VARS1: variants seen among roughly 807,000 people sequenced by gnomAD.
VARS1 encodes the protein valyl-tRNA synthetase 1.
Under a neutral mutation model 161.0 loss-of-function variants are expected in VARS1, and 92 were observed. The ratio of observed to expected loss-of-function variants is 0.57; its 90% CI spans 0.48 to 0.68. The LOEUF (loss-of-function observed/expected upper bound fraction) is 0.68, where lower values mean the gene tolerates loss of function less well. Among genes scored for constraint, VARS1 ranks in the 30% least tolerant of loss-of-function variants. The probability of loss-of-function intolerance (pLI) is 0.00; values close to 1 mark genes in which losing one functional copy is unlikely to be tolerated. For missense variants in VARS1, 1,338 were observed against 1,695.9 expected, an observed-to-expected ratio of 0.79 and a Z score of 3.71; for synonymous variants, 595 against 682.5, an observed-to-expected ratio of 0.87 and a Z score of 2.00.
chr6:31,787,856 C>T (rs1229654176), intron 8 of VARS1, among the ~76,000 whole-genome samples: 3 of 152,020 alleles, frequency 2.0e-5, no homozygotes, highest in Admixed American at 2.0e-4. Context: ...TGGTGGCTCA[C>T]GCCTATAATC....
Position 31,782,292 on chromosome 6 carries a change from T to G in VARS1, c.2143A>C (p.Asn715His), listed in dbSNP as rs765338623. Residue 715 changes from asparagine to histidine, a missense_variant, in exon 17 of 30, where the codon AAC (asparagine) becomes CAC (histidine). By Grantham distance (68) the Asn-to-His change is moderately conservative. Around this residue, in one of 3 missense-constraint regions of VARS1, gnomAD observed 902 missense variants for 1,090.3 expected, o/e 0.83. Coordinates refer to ENST00000375663, the MANE Select transcript of VARS1 (RefSeq NM_006295.3). This position sits in a 1 kb window ranked among gnomAD's most constrained non-coding sequence, Gnocchi z 8.3. The part of the protein sequence containing the change: ...HQRTWHAWMD[N>H]IREWCISRQL... The stretch of plus-strand genomic sequence containing the variant: ...ACTGAGGACCCTACACACCGGATGT[T>G]GTCCATCCAGGCATGCCATGTGCGC... The G allele has an allele frequency of 6.2e-7, 1 of 1,612,682 alleles. No individual in the cohort carries two copies. Among genetic ancestry groups the G allele is most frequent in the Non-Finnish European group, 8.5e-7 (1 of 1,179,640 alleles).
rs774757337 is a variant in VARS1 at position 31,795,057 on chromosome 6, G to A, written c.161C>T (p.Pro54Leu). ...CTGCTCCAGGGCCGGCAGGCGGGGT[G>A]GGGGAAAGGGAGTCCTGCTAGTCGG... ...PPPTSRTPFP[P>L]PRLPALEQGP... The change falls in exon 2 of 30, where the codon CCA becomes CTA. Residue 54 changes from proline to leucine, a missense_variant. Physicochemically the swap from Pro to Leu is moderately conservative, Grantham distance 98. This residue lies in a region of VARS1 where 902 missense variants were observed against 1,090.3 expected (regional missense o/e 0.83). Coordinates refer to ENST00000375663, the MANE Select transcript of VARS1 (RefSeq NM_006295.3). This position sits in a 1 kb window ranked among gnomAD's most constrained non-coding sequence, Gnocchi z 6.9. 1.2e-5 allele frequency: 18 copies of A among 1,537,280 alleles called. No homozygotes were observed. The highest frequency in any genetic ancestry group is 2.3e-5 in the South Asian group (2 of 85,194).
chr6:31,780,940 T>C lies in VARS1; in HGVS notation c.2650-2A>G, dbSNP rs1813102247. 1.2e-6 allele frequency: 2 copies of C among 1,614,086 alleles called. No homozygotes were observed. The highest frequency in any genetic ancestry group is 1.7e-6 in the Non-Finnish European group (2 of 1,180,016). On this transcript the variant is annotated splice_acceptor_variant, in intron 22 of 29. Transcript: ENST00000375663. LOFTEE classifies it high-confidence loss of function. This position sits in a 1 kb window ranked among gnomAD's most constrained non-coding sequence, Gnocchi z 5.1. ...GTTCAGCAGCTGGTTGTGGAGGCCC[T>C]GAGGGTGGAGTGGGAGCAGTCAGGT...
In VARS1 at chr6:31,780,069, C is replaced by T; in HGVS notation, c.3010G>A (p.Ala1004Thr). ...AVRLSNQGFQ[A>T]YDFPAVTTAQ... is the part of the protein sequence containing the mutation. ...GTGGTGACGGCCGGGAAGTCGTAGG[C>T]CTGGAAGCCTTGATTGCTGAGCCTC... Residue 1004 changes from alanine (A) to threonine (T), a missense_variant, in exon 26 of 30, where the codon GCC becomes ACC. Physicochemically the swap from Ala to Thr is moderately conservative, Grantham distance 58. Transcript: ENST00000375663. The surrounding 1 kb of genome is among the most constrained non-coding windows in gnomAD (Gnocchi z 5.1). The T allele has an allele frequency of 6.2e-7, 1 of 1,614,120 alleles. No individual in the cohort carries two copies. Among genetic ancestry groups the T allele is most frequent in the Non-Finnish European group, 8.5e-7 (1 of 1,180,042 alleles).
Position 31,785,747 on chromosome 6 carries a change from T to C in VARS1, c.1101-14A>G, listed in dbSNP as rs753873577. On this transcript the variant is annotated splice_polypyrimidine_tract_variant and intron_variant, in intron 8 of 29. Transcript: ENST00000375663. This position sits in a 1 kb window ranked among gnomAD's most constrained non-coding sequence, Gnocchi z 6.1. ...CGCATGCGGTGCCTGTTAGGGGGCA[T>C]GGAGGACCAGAGGGTGAGCCAGGCC... 1.9e-6 allele frequency: 3 copies of C among 1,603,514 alleles called. No homozygotes were observed. Among genetic ancestry groups the C allele is most frequent in the Non-Finnish European group, 2.5e-6 (3 of 1,176,482 alleles).
At chr6:31,789,840 G>A (rs1813749868) in intron 8 of VARS1, among the ~76,000 whole-genome samples, 1 of 151,894 alleles carries the variant, frequency 6.6e-6, no homozygotes, top group Non-Finnish European at 1.5e-5. Context: ...CTAACATGGT[G>A]AAACCCCGTC....
In VARS1 at chr6:31,778,887, C is replaced by T; in HGVS notation, c.3726+80G>A. 6.4e-7 allele frequency: 1 copy of T among 1,564,404 alleles called. No individual in the cohort carries two copies. The highest frequency in any genetic ancestry group is 8.8e-7 in the Non-Finnish European group (1 of 1,142,784). On this transcript the variant is annotated intron_variant, in intron 29 of 29. Coordinates refer to ENST00000375663, the MANE Select transcript of VARS1 (RefSeq NM_006295.3). This position sits in a 1 kb window ranked among gnomAD's most constrained non-coding sequence, Gnocchi z 5.1. Reference sequence around the variant, plus strand: ...GTTACGATCAATTAGTTGTCAACACCACTGCACTCGGACCAGCCCAGACCA... The same window carrying T: ...GTTACGATCAATTAGTTGTCAACACTACTGCACTCGGACCAGCCCAGACCA...
rs759827809 is a variant in VARS1, at chr6:31,782,291, T to C, written c.2144A>G (p.Asn715Ser). ...CACTGAGGACCCTACACACCGGATG[T>C]TGTCCATCCAGGCATGCCATGTGCG... ...HQRTWHAWMD[N>S]IREWCISRQL... The change falls in exon 17 of 30, where the codon AAC (asparagine) becomes AGC (serine). Residue 715 changes from asparagine to serine, a missense_variant. By Grantham distance (46) the Asn-to-Ser change is conservative (BLOSUM62 1). This residue lies in a region of VARS1 where 902 missense variants were observed against 1,090.3 expected (regional missense o/e 0.83). Coordinates refer to ENST00000375663, the MANE Select transcript of VARS1 (RefSeq NM_006295.3). The surrounding 1 kb of genome is among the most constrained non-coding windows in gnomAD (Gnocchi z 8.3). The C allele has an allele frequency of 1.2e-4, 192 of 1,612,566 alleles. 3 individuals are homozygous for C. The Admixed American group carries it at 3.2e-3, about 26-fold the overall frequency.
rs1562318308 is a variant in VARS1, at chr6:31,795,260, AAG to A, written c.-33-12_-33-11del. On this transcript the variant is annotated splice_polypyrimidine_tract_variant and intron_variant, in intron 1 of 29. Transcript: ENST00000375663. The surrounding 1 kb of genome is among the most constrained non-coding windows in gnomAD (Gnocchi z 6.9). The stretch of plus-strand genomic sequence containing the variant: ...AACGAAGTGGAAAAACCTAAGGAGA[AAG>A]AGAGACAGGGGAAGACTGCGGGATC... The A allele has an allele frequency of 4.3e-6, 6 of 1,380,398 alleles. No individual in the cohort carries two copies. The highest frequency in any genetic ancestry group is 4.1e-5 in the South Asian group (2 of 48,600). 85.5% of individuals were successfully genotyped at this position (1,380,398 alleles called of 1,614,324 possible). A position where few individuals can be genotyped will look rare whatever the true frequency, so the allele number is the denominator to read the frequency against.
Position 31,777,747 on chromosome 6 carries a change from GAGC to G in VARS1, c.3727-88_3727-86del. On this transcript the variant is annotated intron_variant, in intron 29 of 29. Coordinates refer to ENST00000375663, the MANE Select transcript of VARS1 (RefSeq NM_006295.3). This position sits in a 1 kb window ranked among gnomAD's most constrained non-coding sequence, Gnocchi z 5.8. ...CCCAGGACAACAAAGTTGGAAAGAT[GAGC>G]GAGGACCATGGGAGGTCAGTAGCTC... 6.6e-7 allele frequency: 1 copy of G among 1,504,106 alleles called. No individual in the cohort carries two copies. The allele number at this position is 1,504,106 out of a possible 1,614,324, so 93.2% of individuals were successfully genotyped here.
Position 31,780,492 on chromosome 6 carries a change from C to T in VARS1, c.2874G>A (p.Lys958=). Reference sequence around the variant, plus strand: ...CCTTCCCAAGGCCACGAAGGGCAAACTTGGTGGCATTCCAGAGCTTGTTGC... The same window carrying T: ...CCTTCCCAAGGCCACGAAGGGCAAATTTGGTGGCATTCCAGAGCTTGTTGC... The part of the protein sequence containing the change: ...HFCNKLWNAT[K]FALRGLGKGF... The change falls in exon 25 of 30, where the codon AAG becomes AAA. Residue 958 remains lysine (K), a synonymous_variant. Transcript: ENST00000375663. This position sits in a 1 kb window ranked among gnomAD's most constrained non-coding sequence, Gnocchi z 5.1. The T allele has an allele frequency of 2.5e-6, 4 of 1,614,080 alleles. No homozygotes were observed. The highest frequency in any genetic ancestry group is 3.4e-6 in the Non-Finnish European group (4 of 1,180,016).
Position 31,780,618 on chromosome 6 carries a change from G to A in VARS1, c.2798-50C>T. 6.2e-7 allele frequency: 1 copy of A among 1,611,188 alleles called. No homozygotes were observed. Among genetic ancestry groups the A allele is most frequent in the Non-Finnish European group, 8.5e-7 (1 of 1,177,794 alleles). On this transcript the variant is annotated intron_variant, in intron 24 of 29. Coordinates refer to ENST00000375663, the MANE Select transcript of VARS1 (RefSeq NM_006295.3). This position sits in a 1 kb window ranked among gnomAD's most constrained non-coding sequence, Gnocchi z 5.1. ...CCTCATCACCCTCTTCCCAGCCCATGCCCACCAGAGGCTCAGGGTGGAGAA... is the reference window on the plus strand; with the variant it reads ...CCTCATCACCCTCTTCCCAGCCCATACCCACCAGAGGCTCAGGGTGGAGAA...
chr6:31,779,060 G>T lies in VARS1; in HGVS notation c.3633C>A (p.Ala1211=). The change falls in exon 29 of 30, where the codon GCC becomes GCA. Residue 1211 remains alanine (A), a synonymous_variant. Coordinates refer to ENST00000375663, the MANE Select transcript of VARS1 (RefSeq NM_006295.3). The surrounding 1 kb of genome is among the most constrained non-coding windows in gnomAD (Gnocchi z 9.1). ...CCCGCAGACGCTGGGCCTGCCGCTG[G>T]GCCTCAACTCGCTTGGCTTGCAGCT... ...LGKLQAKRVE[A]QRQAQRLRER... The T allele has an allele frequency of 6.2e-7, 1 of 1,612,748 alleles. No individual in the cohort carries two copies. The highest frequency in any genetic ancestry group is 1.1e-5 in the South Asian group (1 of 91,060).
At position 31,792,985 on chromosome 6, in the gene VARS1, C is replaced by T. The variant is rs768246577; in HGVS notation, c.522+1G>A. Reference sequence around the variant, plus strand: ...GTTCTTCCCCAGGCCTGGTGACTCACGTATCGGAAAGGCAGCAGCAAGGCT... The same window carrying T: ...GTTCTTCCCCAGGCCTGGTGACTCATGTATCGGAAAGGCAGCAGCAAGGCT... On this transcript the variant is annotated splice_donor_variant, in intron 3 of 29. Coordinates refer to ENST00000375663, the MANE Select transcript of VARS1 (RefSeq NM_006295.3). LOFTEE classifies it high-confidence loss of function. The T allele has an allele frequency of 3.7e-6, 6 of 1,613,670 alleles. No homozygotes were observed. Among genetic ancestry groups the T allele is most frequent in the African/African-American group, 1.3e-5 (1 of 74,926 alleles).
rs1371633995 is a variant in VARS1 at position 31,779,028 on chromosome 6, C to T, written c.3665G>A (p.Arg1222His). The change falls in exon 29 of 30, where the codon CGT becomes CAT. Residue 1222 changes from arginine (R) to histidine (H), a missense_variant. Around this residue, in one of 3 missense-constraint regions of VARS1, gnomAD observed 433 missense variants for 586.2 expected, o/e 0.74. Coordinates refer to ENST00000375663, the MANE Select transcript of VARS1 (RefSeq NM_006295.3). The surrounding 1 kb of genome is among the most constrained non-coding windows in gnomAD (Gnocchi z 9.1). ...CTTGACAGGATAGCCCGAGGCAGCA[C>T]GGCGTTCCCGCAGACGCTGGGCCTG... Reference protein sequence around the residue: ...QRQAQRLRERRAASGYPVKVP... With the variant: ...QRQAQRLRERHAASGYPVKVP... The T allele has an allele frequency of 1.5e-5, 24 of 1,612,896 alleles. No homozygotes were observed. The highest frequency in any genetic ancestry group is 1.8e-5 in the Non-Finnish European group (21 of 1,180,046).
At chr6:31,790,035 A>G (rs1374899913) in intron 8 of VARS1, among the ~76,000 whole-genome samples, 1 of 151,638 alleles carries the variant, frequency 6.6e-6, no homozygotes, top group Non-Finnish European at 1.5e-5. Context: ...GTCTCAAAAA[A>G]TAAATAAATA....
In VARS1 at chr6:31,781,448, G is replaced by A. The variant is rs900457455; in HGVS notation, c.2544+33C>T. On this transcript the variant is annotated intron_variant, in intron 21 of 29. Coordinates refer to ENST00000375663, the MANE Select transcript of VARS1 (RefSeq NM_006295.3). The surrounding 1 kb of genome is among the most constrained non-coding windows in gnomAD (Gnocchi z 6.8). Reference sequence around the variant, plus strand: ...CACAGGACGGTAGGAGAGGAGGCTGGGGGCGATGGGAGGGTCTCGGCTGTC... The same window carrying A: ...CACAGGACGGTAGGAGAGGAGGCTGAGGGCGATGGGAGGGTCTCGGCTGTC... The A allele has an allele frequency of 6.2e-7, 1 of 1,606,816 alleles. No homozygotes were observed. The highest frequency in any genetic ancestry group is 8.5e-7 in the Non-Finnish European group (1 of 1,178,306).
Position 31,780,056 on chromosome 6 carries a change from G to A in VARS1, c.3023C>T (p.Pro1008Leu), listed in dbSNP as rs1076827. 3.9e-3 allele frequency: 6,326 copies of A among 1,614,134 alleles called. 143 individuals carry two copies. The African/African-American group carries it at 0.057, about 14-fold the overall frequency. ...SNQGFQAYDF[P>L]AVTTAQYSFW... The stretch of plus-strand genomic sequence containing the variant: ...GCTGTACTGGGCAGTGGTGACGGCC[G>A]GGAAGTCGTAGGCCTGGAAGCCTTG... Residue 1008 changes from proline (P) to leucine (L), a missense_variant, in exon 26 of 30, where the codon CCG becomes CTG. Physicochemically the swap from Pro to Leu is moderately conservative, Grantham distance 98 (BLOSUM62 -3). Around this residue, in one of 3 missense-constraint regions of VARS1, gnomAD observed 433 missense variants for 586.2 expected, o/e 0.74. Coordinates refer to ENST00000375663, the MANE Select transcript of VARS1 (RefSeq NM_006295.3). The surrounding 1 kb of genome is among the most constrained non-coding windows in gnomAD (Gnocchi z 5.1).
rs1358756178 is a variant in VARS1, at chr6:31,782,688, T to C, written c.1887+33A>G. ...ATGCCCAGCCATCCCTCCATCTCCC[T>C]GACCCGGGCACTCTTGCCTCAGGCA... is the stretch of plus-strand genomic sequence containing the variant. On this transcript the variant is annotated intron_variant, in intron 15 of 29. Transcript: ENST00000375663. This position sits in a 1 kb window ranked among gnomAD's most constrained non-coding sequence, Gnocchi z 8.3. 6.2e-7 allele frequency: 1 copy of C among 1,613,038 alleles called. No homozygotes were observed. The highest frequency in any genetic ancestry group is 1.7e-5 in the Admixed American group (1 of 60,028).
Sources: gnomAD v4.1 joint callset for allele counts (sites outside exome capture counted in the v4.1 genomes callset) on GRCh38, gnomAD v4.1.1 for gene constraint, gnomAD v4.1.1 regional missense constraint, Gnocchi (gnomAD v3.1) non-coding constraint, MANE v1.5 for transcripts, NCBI Gene and HGNC (gene_info 2026-07-23, HGNC 2026-07-21) for gene names.